SIPA1L2: variants seen among roughly 807,000 people sequenced by gnomAD.
SIPA1L2 encodes the protein signal induced proliferation associated 1 like 2, also known as signal-induced proliferation-associated 1-like protein 2.
SIPA1L2 carries 56 observed loss-of-function variants against 163.9 expected under a neutral mutation model. The ratio of observed to expected loss-of-function variants is 0.34; its 90% CI spans 0.28 to 0.43. The LOEUF is 0.43. Among genes scored for constraint, SIPA1L2 ranks in the 20% least tolerant of loss-of-function variants. The pLI, the probability that SIPA1L2 is intolerant of heterozygous loss-of-function variation, is 1.00. For synonymous variants in SIPA1L2, 877 were observed against 865.7 expected (o/e 1.01, Z -0.23); for missense variants, 1,974 against 2,193.5 (o/e 0.90, Z 2.00).
At chr1:232,498,445 A>T (rs765568114) in intron 3 of SIPA1L2, among the ~76,000 whole-genome samples, 21 of 152,206 alleles carry the variant, frequency 1.4e-4, no homozygotes, top group Non-Finnish European at 1.5e-4. Context: ...CGCTGTAACA[A>T]ATTTCCAAAT....
intron 10 of SIPA1L2, 107 bp downstream of exon 10, chr1:232,460,780 G>T: frequency 7.4e-7 from 1 of 1,352,748 alleles, no homozygotes; most frequent in Non-Finnish European, 1.0e-6. Context: ...ACTGTACAAA[G>T]ACACACTTGA....
At chr1:232,455,352 G>C (rs1235061781) in intron 10 of SIPA1L2, among the ~76,000 whole-genome samples, 1 of 152,130 alleles carries the variant, frequency 6.6e-6, no homozygotes, top group Non-Finnish European at 1.5e-5. Context: ...CAAAAACGTG[G>C]AATCAACCTA....
intron 18 of SIPA1L2, among the ~76,000 whole-genome samples, chr1:232,421,121 G>A (rs1327961037): frequency 6.6e-6 from 1 of 152,190 alleles, no homozygotes; most frequent in Non-Finnish European, 1.5e-5. Flanking sequence ...GGAGGACACT[G>A]TCTGAAAGCA....
intron 1 of SIPA1L2, among the ~76,000 whole-genome samples, chr1:232,575,317 C>G (rs545890564): frequency 3.9e-5 from 6 of 152,154 alleles, no homozygotes; most frequent in Admixed American, 2.6e-4. Flanking sequence ...AGTGTTAACC[C>G]AGCATAGCAT....
At chr1:232,495,088 A>T (rs1666112426) in intron 3 of SIPA1L2, among the ~76,000 whole-genome samples, 1 of 152,266 alleles carries the variant, frequency 6.6e-6, no homozygotes. Flanking sequence ...AGAGATCAGC[A>T]AAGGAAAACA....
intron 2 of SIPA1L2, among the ~76,000 whole-genome samples, chr1:232,521,006 T>A (rs1019499408): frequency 3.3e-5 from 5 of 152,208 alleles, no homozygotes; most frequent in Admixed American, 2.6e-4. Context: ...ATAATAATGG[T>A]AATAAATTGA....
In SIPA1L2 at chr1:232,491,026, T is replaced by C. The variant is rs746028755; in HGVS notation, c.1654A>G (p.Ile552Val). Residue 552 changes from isoleucine to valine, a missense_variant, in exon 5 of 23, where the codon ATA becomes GTA. By Grantham distance (29) the Ile-to-Val change is conservative. Around this residue, in one of 3 missense-constraint regions of SIPA1L2, gnomAD observed 288 missense variants for 418.9 expected, o/e 0.69. Coordinates refer to ENST00000674635, the MANE Select transcript of SIPA1L2 (RefSeq NM_020808.5). Reference protein sequence around the residue: ...TLRGAILEDAIPSTARHGTAR... With the variant: ...TLRGAILEDAVPSTARHGTAR... ...GTACCATGCCTAGCAGTAGAGGGTA[T>C]AGCATCTTCTAAAATTGCTCCTCTC... is the stretch of plus-strand genomic sequence containing the variant. 6 of 1,613,814 alleles carry C rather than the reference T, an allele frequency of 3.7e-6. No homozygotes were observed. Among genetic ancestry groups the C allele is most frequent in the East Asian group, 4.5e-5 (2 of 44,870 alleles).
intron 2 of SIPA1L2, among the ~76,000 whole-genome samples, chr1:232,563,996 T>TGTGTGTGA (rs1245497557): frequency 9.2e-6 from 1 of 108,572 alleles, no homozygotes; most frequent in African/African-American, 4.2e-5. Flanking sequence ...TGTGTGTGTG[T>TGTGTGTGA]GATGGAGTTT....
rs12043279 is a variant in SIPA1L2, at chr1:232,404,565, G to A, written c.4763-387C>T. Among the ~76,000 whole-genome samples the A allele has an allele frequency of 0.034, 5,250 of 152,250 alleles. 739 individuals carry two copies. The East Asian group carries it at 0.48, about 14-fold the overall frequency. ...TCTGAGGGGCTCAGTATGTATAGCA[G>A]TAGCACCAATGATCAGTATGACTAC... On this transcript the variant is annotated intron_variant, in intron 19 of 22. Coordinates refer to ENST00000674635, the MANE Select transcript of SIPA1L2 (RefSeq NM_020808.5).
intron 10 of SIPA1L2, among the ~76,000 whole-genome samples, chr1:232,450,662 A>G (rs1476578226): frequency 6.6e-6 from 1 of 152,176 alleles, no homozygotes; most frequent in Non-Finnish European, 1.5e-5. Context: ...ACATCTTTGC[A>G]TTTCCAGTGC....
At chr1:232,567,034 T>C (rs1659443824) in intron 2 of SIPA1L2, among the ~76,000 whole-genome samples, 2 of 152,212 alleles carry the variant, frequency 1.3e-5, no homozygotes, top group Non-Finnish European at 2.9e-5. Context: ...AAATTATCTA[T>C]AAAATACGAC....
intron 2 of SIPA1L2, among the ~76,000 whole-genome samples, chr1:232,565,818 A>C (rs1659369436): frequency 6.6e-6 from 1 of 152,172 alleles, no homozygotes; most frequent in Non-Finnish European, 1.5e-5. Flanking sequence ...CAATGATCCA[A>C]TATCCTGTGA....
chr1:232,500,334 G>A (rs1394230659), intron 3 of SIPA1L2, among the ~76,000 whole-genome samples: 1 of 152,180 alleles, frequency 6.6e-6, no homozygotes, highest in East Asian at 1.9e-4. Flanking sequence ...AATACATTTT[G>A]TAAGGCTATA....
At chr1:232,600,928 A>G (rs1181626312) in intron 1 of SIPA1L2, among the ~76,000 whole-genome samples, 2 of 152,346 alleles carry the variant, frequency 1.3e-5, no homozygotes, top group East Asian at 3.9e-4. Context: ...AAGCTGCTAT[A>G]AACAGTTACT....
At chr1:232,402,520 G>T in intron 21 of SIPA1L2, 47 bp from the exon 22 acceptor site, 1 of 1,553,742 alleles carries the variant, frequency 6.4e-7, no homozygotes, top group East Asian at 2.3e-5. Context: ...AGTCAATCGA[G>T]CATTTTTGTT....
At chr1:232,532,548 C>T (rs1441058589) in intron 2 of SIPA1L2, among the ~76,000 whole-genome samples, 1 of 152,170 alleles carries the variant, frequency 6.6e-6, no homozygotes, top group Non-Finnish European at 1.5e-5. Flanking sequence ...ATCATTTGGG[C>T]ACATAATAAA....
chr1:232,560,947 C>T (rs571339964), intron 2 of SIPA1L2, among the ~76,000 whole-genome samples: 8 of 152,258 alleles, frequency 5.3e-5, no homozygotes, highest in Non-Finnish European at 7.4e-5. Context: ...CTTTAGTAGA[C>T]GTAAAAGAAG....
At chr1:232,413,413 A>G (rs1191076936) in intron 19 of SIPA1L2, among the ~76,000 whole-genome samples, 1 of 152,190 alleles carries the variant, frequency 6.6e-6, no homozygotes, top group African/African-American at 2.4e-5. Flanking sequence ...GGAAAAAAAA[A>G]TGCATTTTCT....
intron 2 of SIPA1L2, among the ~76,000 whole-genome samples, chr1:232,563,483 T>C (rs1027819352): frequency 4.6e-5 from 7 of 152,166 alleles, no homozygotes; most frequent in Admixed American, 1.3e-4. Context: ...AGAGAACTTA[T>C]ACCCTCCCAC....
Sources: allele counts gnomAD v4.1 joint callset (sites outside exome capture counted in the v4.1 genomes callset), GRCh38; gene constraint gnomAD v4.1.1; regional missense constraint gnomAD v4.1.1; transcripts MANE v1.5; gene names NCBI Gene and HGNC (gene_info 2026-07-23, HGNC 2026-07-21).